The following CPS1 variants were observed in gnomAD, a reference collection of about 807,000 sequenced individuals.
CPS1 encodes carbamoyl-phosphate synthase 1.
Under a neutral mutation model 174.6 loss-of-function variants are expected in CPS1, and 109 were observed. The ratio of observed to expected loss-of-function variants is 0.62; its 90% confidence interval spans 0.53 to 0.73. The LOEUF (loss-of-function observed/expected upper bound fraction) is 0.73, where lower values mean the gene tolerates loss of function less well. Among genes scored for constraint, CPS1 ranks in the 30% least tolerant of loss-of-function variants. The probability of loss-of-function intolerance (pLI) is 0.00; values close to 1 mark genes in which losing one functional copy is unlikely to be tolerated. For synonymous variants in CPS1, 637 were observed against 632.0 expected, an observed-to-expected ratio of 1.01 and a Z score of -0.12; for missense variants, 1,689 against 1,821.9, an observed-to-expected ratio of 0.93 and a Z score of 1.33.
chr2:210,568,259 T>C (rs1034431775), intron 1 of CPS1, among the ~76,000 whole-genome samples: 3 of 152,006 alleles, frequency 2.0e-5, no homozygotes, highest in Non-Finnish European at 4.4e-5. Context: ...GAGGAAGACA[T>C]TTATGCACAA....
intron 33 of CPS1, 137 bp from the exon 34 acceptor site, chr2:210,668,049 A>T: frequency 1.5e-6 from 1 of 666,594 alleles, no homozygotes; most frequent in East Asian, 2.7e-5. Context: ...GGAGTCTATG[A>T]GTAAAGTACT....
intron 1 of CPS1, among the ~76,000 whole-genome samples, chr2:210,534,308 G>A (rs144389464): frequency 9.1e-4 from 138 of 152,274 alleles, no homozygotes; most frequent in African/African-American, 2.8e-3. Context: ...TGCTGGGAAA[G>A]GGATGAAGGG....
intron 1 of CPS1, among the ~76,000 whole-genome samples, chr2:210,536,446 G>A (rs1032754062): frequency 6.6e-6 from 1 of 150,444 alleles, no homozygotes; most frequent in African/African-American, 2.5e-5. Flanking sequence ...TCAGCCTCCC[G>A]AGTAGCTGGG....
At chr2:210,570,432 T>C (rs1016261031) in intron 1 of CPS1, among the ~76,000 whole-genome samples, 3 of 151,984 alleles carry the variant, frequency 2.0e-5, no homozygotes. Flanking sequence ...GATTTTCTTA[T>C]GCTAATTTTT....
chr2:210,482,537 T>C (rs796834412), intron 1 of CPS1, among the ~76,000 whole-genome samples: 10 of 151,978 alleles, frequency 6.6e-5, no homozygotes, highest in Non-Finnish European at 1.5e-4. Flanking sequence ...GGCCAAGTGA[T>C]CCGCCCGCCT....
At chr2:210,484,790 A>T (rs1366884212) in intron 1 of CPS1, among the ~76,000 whole-genome samples, 1 of 152,110 alleles carries the variant, frequency 6.6e-6, no homozygotes, top group East Asian at 1.9e-4. Context: ...GGTGTAGGAG[A>T]TAGACTTCAG....
rs762927791 is a variant in CPS1 at position 210,573,415 on chromosome 2, A to T, written c.236+8A>T. The T allele has an allele frequency of 6.3e-7, 1 of 1,590,176 alleles. No homozygotes were observed. The highest frequency in any genetic ancestry group is 1.7e-5 in the Admixed American group (1 of 59,858). ...TAATACTGGCCTGGGAGGGTGAGTAATGCTTTTCCAAGGCTTTATTTTTCC... is the reference window on the plus strand; with the variant it reads ...TAATACTGGCCTGGGAGGGTGAGTATTGCTTTTCCAAGGCTTTATTTTTCC... On this transcript the variant is annotated splice_region_variant and intron_variant, in intron 2 of 37. Coordinates refer to ENST00000233072, the MANE Select transcript of CPS1 (RefSeq NM_001875.5).
At position 210,656,528 on chromosome 2, in the gene CPS1, A is replaced by G. The variant is rs779559626; in HGVS notation, c.3562A>G (p.Ile1188Val). Residue 1188 changes from isoleucine to valine, a missense_variant, in exon 30 of 38, where the codon ATC (isoleucine) becomes GTC (valine). Ile to Val is a conservative substitution (Grantham distance 29). Coordinates refer to ENST00000233072, the MANE Select transcript of CPS1 (RefSeq NM_001875.5). ...MDAVGKDGRV[I>V]SHAISEHVED... Reference sequence around the variant, plus strand: ...CTTTTTTTTTTTTTTTGGCCAGGTTATCTCTCATGCCATCTCTGAACATGT... The same window carrying G: ...CTTTTTTTTTTTTTTTGGCCAGGTTGTCTCTCATGCCATCTCTGAACATGT... The G allele has an allele frequency of 6.4e-7, 1 of 1,566,842 alleles. No individual in the cohort carries two copies. Among genetic ancestry groups the G allele is most frequent in the Non-Finnish European group, 8.6e-7 (1 of 1,156,718 alleles).
At chr2:210,548,383 TC>T (rs1696619387) in intron 1 of CPS1, among the ~76,000 whole-genome samples, 1 of 152,082 alleles carries the variant, frequency 6.6e-6, no homozygotes, top group East Asian at 1.9e-4. Context: ...TCAAGAATGC[TC>T]TTTTGAAATA....
chr2:210,638,991 C>G lies in CPS1; in HGVS notation c.2830-159C>G, dbSNP rs139633215. 0.011 allele frequency among the ~76,000 whole-genome samples: 1,610 copies of G among 152,176 alleles called. 22 individuals are homozygous for G. Among genetic ancestry groups the G allele is most frequent in the African/African-American group, 0.037 (1,526 of 41,518 alleles). The stretch of plus-strand genomic sequence containing the variant: ...ATCACTATTTTCTCTCTCTTATTTT[C>G]AGAATTAGAAAGCAATTCCACGGGT... On this transcript the variant is annotated intron_variant, in intron 22 of 37. Transcript: ENST00000233072.
intron 16 of CPS1, among the ~76,000 whole-genome samples, chr2:210,603,608 T>G (rs998903788): frequency 3.3e-5 from 5 of 151,902 alleles, no homozygotes; most frequent in Admixed American, 2.6e-4. Flanking sequence ...ATACATATTC[T>G]CTATTAATTT....
intron 1 of CPS1, among the ~76,000 whole-genome samples, chr2:210,543,276 A>G (rs998571615): frequency 1.3e-5 from 2 of 152,122 alleles, no homozygotes; most frequent in Non-Finnish European, 2.9e-5. Context: ...AAAATCCTTC[A>G]ATGACTTCCT....
chr2:210,564,692 A>G (rs1697240805), intron 1 of CPS1, among the ~76,000 whole-genome samples: 1 of 151,214 alleles, frequency 6.6e-6, no homozygotes, highest in South Asian at 2.1e-4. Flanking sequence ...GCTCATTTTA[A>G]AAGTAATATA....
At position 210,575,422 on chromosome 2, in the gene CPS1, G is replaced by A. The variant is rs561302907; in HGVS notation, c.237-924G>A. On this transcript the variant is annotated intron_variant, in intron 2 of 37. Coordinates refer to ENST00000233072, the MANE Select transcript of CPS1 (RefSeq NM_001875.5). ...GTGTATTCCAGTGCATGGAAAAAGTGTAGATAGCTCCTGGTATTCATGGGA... is the reference window on the plus strand; with the variant it reads ...GTGTATTCCAGTGCATGGAAAAAGTATAGATAGCTCCTGGTATTCATGGGA... Among the ~76,000 whole-genome samples, 4 of 152,008 alleles carry A rather than the reference G, an allele frequency of 2.6e-5. No homozygotes were observed. The East Asian group carries it at 5.8e-4, about 22-fold the overall frequency.
chr2:210,538,774 A>G (rs1336406936), intron 1 of CPS1, among the ~76,000 whole-genome samples: 1 of 152,124 alleles, frequency 6.6e-6, no homozygotes, highest in Non-Finnish European at 1.5e-5. Context: ...TTAGATGACC[A>G]ATTTTAGCTT....
At chr2:210,478,796 G>A (rs1426989289) in intron 1 of CPS1, among the ~76,000 whole-genome samples, 5 of 152,188 alleles carry the variant, frequency 3.3e-5, no homozygotes, top group Middle Eastern at 3.4e-3. Flanking sequence ...TGAAGCATGC[G>A]TCTAAACGGA....
rs755035266 is a variant in CPS1 at position 210,606,865 on chromosome 2, A to G, written c.2116A>G (p.Thr706Ala). 1.8e-5 allele frequency: 29 copies of G among 1,612,500 alleles called. No individual in the cohort carries two copies. Among genetic ancestry groups the G allele is most frequent in the Non-Finnish European group, 2.2e-5 (26 of 1,179,100 alleles). The change falls in exon 18 of 38, where the codon ACC becomes GCC. Residue 706 changes from threonine to alanine, a missense_variant. Thr to Ala is a moderately conservative substitution (Grantham distance 58). Coordinates refer to ENST00000233072, the MANE Select transcript of CPS1 (RefSeq NM_001875.5). ...CAACATTCAGTTTGCCCTTCATCCT[A>G]CCTCAATGGAATACTGCATCATTGA... Reference protein sequence around the residue: ...ECNIQFALHPTSMEYCIIEVN... With the variant: ...ECNIQFALHPASMEYCIIEVN...
intron 1 of CPS1, among the ~76,000 whole-genome samples, chr2:210,532,205 G>C (rs1421683759): frequency 6.6e-6 from 1 of 152,204 alleles, no homozygotes; most frequent in East Asian, 1.9e-4. Context: ...AATAATTTTG[G>C]AGGGTTATTA....
chr2:210,563,255 T>C (rs1034415230), intron 1 of CPS1, among the ~76,000 whole-genome samples: 2 of 152,168 alleles, frequency 1.3e-5, no homozygotes, highest in Non-Finnish European at 2.9e-5. Context: ...ATACTGAATG[T>C]TATGGCAATA....
Sources: allele counts gnomAD v4.1 joint callset (sites outside exome capture counted in the v4.1 genomes callset), GRCh38; gene constraint gnomAD v4.1.1; transcripts MANE v1.5; gene names NCBI Gene and HGNC (gene_info 2026-07-23, HGNC 2026-07-21).